ZNF438: variants seen among roughly 807,000 people sequenced by gnomAD.
The protein encoded by ZNF438 is zinc finger protein 438.
A neutral mutation model predicts 38.0 loss-of-function variants in ZNF438; 25 were observed. The ratio of observed to expected loss-of-function variants is 0.66; its 90% CI spans 0.48 to 0.92. The LOEUF is 0.92. ZNF438 is among the 40% of genes least tolerant of loss of function. The probability of loss-of-function intolerance (pLI) is 0.00; values close to 1 mark genes in which losing one functional copy is unlikely to be tolerated. For missense variants in ZNF438, 1,007 were observed against 999.6 expected, an observed-to-expected ratio of 1.01 and a Z score of -0.10; for synonymous variants, 372 against 364.1, an observed-to-expected ratio of 1.02 and a Z score of -0.25.
At chr10:30,887,263 G>T (rs1422175428) in intron 3 of ZNF438, among the ~76,000 whole-genome samples, 1 of 152,136 alleles carries the variant, frequency 6.6e-6, no homozygotes, top group East Asian at 1.9e-4. Flanking sequence ...TACAACAAAG[G>T]CTCTGGGCCA....
chr10:30,869,584 G>A (rs1346309066), intron 4 of ZNF438, among the ~76,000 whole-genome samples: 2 of 152,138 alleles, frequency 1.3e-5, no homozygotes, highest in Non-Finnish European at 2.9e-5. Context: ...AGGCATGTGT[G>A]TGTTTTCCAT....
chr10:31,003,804 C>T (rs2054878591), intron 1 of ZNF438, among the ~76,000 whole-genome samples: 1 of 152,038 alleles, frequency 6.6e-6, no homozygotes, highest in South Asian at 2.1e-4. Context: ...TTTCTTGGCC[C>T]AAAACTCTCT....
intron 1 of ZNF438, among the ~76,000 whole-genome samples, chr10:30,947,731 A>G (rs147776919): frequency 0.08 from 12,066 of 151,662 alleles, 576 homozygotes; most frequent in Non-Finnish European, 0.11. Context: ...CTCGTGGTGC[A>G]CCATTTTTTA....
chr10:30,872,425 C>CAAAAAAAAAA lies in ZNF438; in HGVS notation c.37+4563_37+4572dup, dbSNP rs566401687. Reference sequence around the variant, plus strand: ...TGGGTGACAGAACAAGACTCTGTCTCAAAAAAAAAAAAAAAAAAAAAAAAA... The same window carrying CAAAAAAAAAA: ...TGGGTGACAGAACAAGACTCTGTCTCAAAAAAAAAAAAAAAAAAAAAAAAAAAAAAAAAAA... On this transcript the variant is annotated intron_variant, in intron 4 of 5. Coordinates refer to ENST00000413025, the Ensembl canonical transcript of ZNF438. 3.1e-4 allele frequency among the ~76,000 whole-genome samples: 18 copies of CAAAAAAAAAA among 58,692 alleles called. 2 individuals carry two copies. The highest frequency in any genetic ancestry group is 6.3e-4 in the East Asian group (1 of 1,600). The allele number at this position is 58,692 out of a possible 152,430, so 38.5% of individuals were successfully genotyped here. A position where few individuals can be genotyped will look rare whatever the true frequency, so the allele number is the denominator to read the frequency against.
intron 1 of ZNF438, among the ~76,000 whole-genome samples, chr10:30,942,682 G>A (rs2046941221): frequency 6.6e-6 from 1 of 151,170 alleles, no homozygotes; most frequent in African/African-American, 2.5e-5. Context: ...CCGATGACTT[G>A]CGTCATTTCT....
chr10:30,964,169 G>A (rs1166171941), intron 1 of ZNF438, among the ~76,000 whole-genome samples: 3 of 152,114 alleles, frequency 2.0e-5, no homozygotes, highest in Non-Finnish European at 2.9e-5. Flanking sequence ...TTTTTTAGTT[G>A]TTTCTTCATT....
At chr10:30,924,727 A>G (rs2044713180) in intron 2 of ZNF438, among the ~76,000 whole-genome samples, 2 of 152,228 alleles carry the variant, frequency 1.3e-5, no homozygotes, top group Admixed American at 6.5e-5. Context: ...AAAAGTATCA[A>G]ATCCCTGAAA....
chr10:30,942,893 A>G (rs1305369994), intron 1 of ZNF438, among the ~76,000 whole-genome samples: 1 of 152,268 alleles, frequency 6.6e-6, no homozygotes, highest in Non-Finnish European at 1.5e-5. Context: ...GAAGAGCAAA[A>G]GAAGAGAGCG....
intron 3 of ZNF438, among the ~76,000 whole-genome samples, chr10:30,900,334 A>T (rs1445371610): frequency 6.6e-6 from 1 of 152,152 alleles, no homozygotes; most frequent in Non-Finnish European, 1.5e-5. Flanking sequence ...TGACTTAGTA[A>T]ACCTGGTTTA....
intron 1 of ZNF438, among the ~76,000 whole-genome samples, chr10:31,004,170 G>A (rs2054910119): frequency 6.6e-6 from 1 of 152,172 alleles, no homozygotes; most frequent in Admixed American, 6.5e-5. Context: ...AGAGGCCAGA[G>A]ATGCTGCTAA....
intron 1 of ZNF438, among the ~76,000 whole-genome samples, chr10:31,011,661 T>C (rs570478037): frequency 6.6e-6 from 1 of 152,298 alleles, no homozygotes; most frequent in South Asian, 2.1e-4. Flanking sequence ...AACGAGATTC[T>C]CACTCAGAAG....
intron 2 of ZNF438, among the ~76,000 whole-genome samples, chr10:30,934,633 T>C (rs961392255): frequency 6.6e-6 from 1 of 152,220 alleles, no homozygotes; most frequent in Non-Finnish European, 1.5e-5. Context: ...TCACGAAATG[T>C]CTTTATTCCT....
At position 30,940,652 on chromosome 10, in the gene ZNF438, A is replaced by G. The variant is rs568393447; in HGVS notation, c.-115+923T>C. On this transcript the variant is annotated intron_variant, in intron 2 of 5. Coordinates refer to ENST00000413025, the Ensembl canonical transcript of ZNF438. ...GGATTCCATCCAAGAGGGAGTTGGAAGCCATTAAAGCGTTTTAAAATTACT... is the reference window on the plus strand; with the variant it reads ...GGATTCCATCCAAGAGGGAGTTGGAGGCCATTAAAGCGTTTTAAAATTACT... Among the ~76,000 whole-genome samples, 4 of 152,332 alleles carry G rather than the reference A, an allele frequency of 2.6e-5. No homozygotes were observed. The East Asian group carries it at 7.7e-4, about 29-fold the overall frequency.
rs1326445677 is a variant in ZNF438 at position 30,958,974 on chromosome 10, G to T, written c.-191-17323C>A. On this transcript the variant is annotated intron_variant, in intron 1 of 5. Coordinates refer to ENST00000413025, the Ensembl canonical transcript of ZNF438. The stretch of plus-strand genomic sequence containing the variant: ...ATCCATTTACCAGGTTATGGACATT[G>T]CATTTTTTCTTGTTTTTATTAATAT... Among the ~76,000 whole-genome samples the T allele has an allele frequency of 2.7e-5, 4 of 146,998 alleles. 2 individuals carry two copies. Among genetic ancestry groups the T allele is most frequent in the Non-Finnish European group, 6.2e-5 (4 of 64,836 alleles).
At chr10:31,023,358 G>T (rs1026789892) in intron 1 of ZNF438, among the ~76,000 whole-genome samples, 4 of 151,962 alleles carry the variant, frequency 2.6e-5, no homozygotes, top group African/African-American at 9.7e-5. Context: ...CTTCACCATA[G>T]ACAGCACAGC....
intron 1 of ZNF438, among the ~76,000 whole-genome samples, chr10:30,970,945 C>T (rs568255558): frequency 5.8e-4 from 89 of 152,318 alleles, no homozygotes; most frequent in Non-Finnish European, 1.1e-3. Flanking sequence ...GAATCATCCT[C>T]ATATCTCCAG....
At chr10:30,949,270 A>C (rs4749645) in intron 1 of ZNF438, among the ~76,000 whole-genome samples, 132,369 of 151,348 alleles carry the variant, frequency 0.87, 58,296 homozygotes, top group East Asian at 1. Context: ...TGGAAAGGAA[A>C]AACCGGTACC....
At chr10:30,882,748 G>C (rs2039434246) in intron 3 of ZNF438, among the ~76,000 whole-genome samples, 1 of 152,146 alleles carries the variant, frequency 6.6e-6, no homozygotes, top group Non-Finnish European at 1.5e-5. Context: ...CCCATCCATC[G>C]AGGTGAAGAA....
At chr10:30,928,138 A>G (rs1331364598) in intron 2 of ZNF438, among the ~76,000 whole-genome samples, 1 of 152,188 alleles carries the variant, frequency 6.6e-6, no homozygotes, top group East Asian at 1.9e-4. Context: ...ACGGAACTCC[A>G]CCCACTTCAA....
Sources: allele counts gnomAD v4.1 joint callset (sites outside exome capture counted in the v4.1 genomes callset), GRCh38; gene constraint gnomAD v4.1.1; transcripts MANE v1.5; gene names NCBI Gene and HGNC (gene_info 2026-07-23, HGNC 2026-07-21).